EXOC6B: variants seen among roughly 807,000 people sequenced by gnomAD.
EXOC6B encodes the protein SEC15 homolog B.
A neutral mutation model predicts 113.5 loss-of-function variants in EXOC6B; 54 were observed. The observed-to-expected ratio is 0.48, with a 90% CI of 0.38 to 0.60. The LOEUF is 0.60. EXOC6B is among the 20% of genes least tolerant of loss of function. EXOC6B has a pLI of 0.00. For missense variants in EXOC6B, 797 were observed against 977.5 expected (o/e 0.82, Z 2.46); for synonymous variants, 357 against 339.0 (o/e 1.05, Z -0.58).
chr2:72,210,308 T>C (rs950742900), intron 20 of EXOC6B, among the ~76,000 whole-genome samples: 1 of 152,196 alleles, frequency 6.6e-6, no homozygotes, highest in African/African-American at 2.4e-5. Flanking sequence ...ATCCACATAT[T>C]TAAGTCAATC....
chr2:72,371,109 G>A (rs1177595937), intron 19 of EXOC6B, among the ~76,000 whole-genome samples: 1 of 151,274 alleles, frequency 6.6e-6, no homozygotes, highest in Non-Finnish European at 1.5e-5. Flanking sequence ...TACCAGTTCA[G>A]CCACAGTAGG....
intron 6 of EXOC6B, among the ~76,000 whole-genome samples, chr2:72,598,165 A>G (rs1573460842): frequency 6.6e-6 from 1 of 152,094 alleles, no homozygotes; most frequent in East Asian, 1.9e-4. Flanking sequence ...ACCAAGGCAT[A>G]GCACACTGAT....
intron 6 of EXOC6B, among the ~76,000 whole-genome samples, chr2:72,677,047 A>G (rs904043201): frequency 2.0e-5 from 3 of 152,350 alleles, no homozygotes; most frequent in Non-Finnish European, 4.4e-5. Flanking sequence ...AATGACTATC[A>G]TTCTCATCAT....
intron 18 of EXOC6B, among the ~76,000 whole-genome samples, chr2:72,420,670 T>C (rs909288823): frequency 6.6e-6 from 1 of 152,234 alleles, no homozygotes; most frequent in African/African-American, 2.4e-5. Context: ...ATGCCTTTCC[T>C]ATTGTGAACA....
chr2:72,216,187 G>C (rs1307806885), intron 20 of EXOC6B, among the ~76,000 whole-genome samples: 1 of 151,970 alleles, frequency 6.6e-6, no homozygotes, highest in African/African-American at 2.4e-5. Context: ...TAGAGACACT[G>C]TAAGATGAAG....
chr2:72,319,267 G>A (rs1687712259), intron 20 of EXOC6B, among the ~76,000 whole-genome samples: 1 of 151,756 alleles, frequency 6.6e-6, no homozygotes, highest in Middle Eastern at 3.2e-3. Flanking sequence ...CGGACAAAGG[G>A]CATAAAAAAA....
intron 6 of EXOC6B, among the ~76,000 whole-genome samples, chr2:72,688,754 C>T (rs1677272444): frequency 6.6e-6 from 1 of 152,200 alleles, no homozygotes; most frequent in African/African-American, 2.4e-5. Flanking sequence ...GTGTCACTAT[C>T]TTATTCAATG....
chr2:72,360,992 C>G (rs139916359), intron 19 of EXOC6B, among the ~76,000 whole-genome samples: 1 of 151,470 alleles, frequency 6.6e-6, no homozygotes, highest in East Asian at 1.9e-4. Context: ...AAAATACTTT[C>G]CATTGCAACC....
At chr2:72,561,910 A>G (rs1703906716) in intron 7 of EXOC6B, among the ~76,000 whole-genome samples, 1 of 152,134 alleles carries the variant, frequency 6.6e-6, no homozygotes, top group Non-Finnish European at 1.5e-5. Context: ...AAGTCTTCCT[A>G]AGCATAAGAC....
At chr2:72,354,703 A>C (rs1332991967) in intron 19 of EXOC6B, among the ~76,000 whole-genome samples, 1 of 152,218 alleles carries the variant, frequency 6.6e-6, no homozygotes, top group Non-Finnish European at 1.5e-5. Context: ...TATAGGGTCC[A>C]TCATCTGTAG....
At chr2:72,567,283 A>G (rs1232465726) in intron 7 of EXOC6B, among the ~76,000 whole-genome samples, 1 of 152,080 alleles carries the variant, frequency 6.6e-6, no homozygotes, top group Admixed American at 6.5e-5. Context: ...GATACACTGT[A>G]GGATCAAAAG....
In EXOC6B at chr2:72,711,748, C is replaced by T. The variant is rs115181125; in HGVS notation, c.669+6355G>A. Among the ~76,000 whole-genome samples the T allele has an allele frequency of 7.7e-4, 117 of 152,180 alleles. 1 individual carries two copies. In the Middle Eastern group the frequency reaches 0.01, roughly 13 times the overall value. ...TGCTTGAACACAAGCAGTCAATACC[C>T]ACAGTAAATCTGATAACCAAGAGGG... On this transcript the variant is annotated intron_variant, in intron 6 of 21. Transcript: ENST00000272427.
In EXOC6B at chr2:72,651,897, A is replaced by G. The variant is rs189087706; in HGVS notation, c.669+66206T>C. On this transcript the variant is annotated intron_variant, in intron 6 of 21. Transcript: ENST00000272427. Reference sequence around the variant, plus strand: ...ATACCTACGTTTTTTACTGAGCCTAAAAAGATTTAGACATCCATTCGATTG... The same window carrying G: ...ATACCTACGTTTTTTACTGAGCCTAGAAAGATTTAGACATCCATTCGATTG... Among the ~76,000 whole-genome samples, 196 of 152,276 alleles carry G rather than the reference A, an allele frequency of 1.3e-3. 2 individuals are homozygous for G. The highest frequency in any genetic ancestry group is 3.6e-3 in the Admixed American group (55 of 15,292).
rs1480521320 is a variant in EXOC6B, at chr2:72,179,024, C to T, written c.*311G>A. 3.8e-6 allele frequency: 1 copy of T among 261,872 alleles called. No homozygotes were observed. The highest frequency in any genetic ancestry group is 7.2e-6 in the Non-Finnish European group (1 of 139,366). 16.2% of individuals were successfully genotyped at this position (261,872 alleles called of 1,614,324 possible). On this transcript the variant is annotated 3_prime_UTR_variant, in exon 22 of 22. Coordinates refer to ENST00000272427, the MANE Select transcript of EXOC6B (RefSeq NM_015189.3). Reference sequence around the variant, plus strand: ...TTTTTATGGTTCCTAAGCCCCAGACCTAAGCTTTAGAGCCATGGATGAAAG... The same window carrying T: ...TTTTTATGGTTCCTAAGCCCCAGACTTAAGCTTTAGAGCCATGGATGAAAG...
chr2:72,334,917 A>G, intron 20 of EXOC6B, 30 bp downstream of exon 20: 1 of 1,609,432 alleles, frequency 6.2e-7, no homozygotes, highest in East Asian at 2.2e-5. Context: ...TCTTAAAAGA[A>G]AAACAAAAAA....
intron 6 of EXOC6B, among the ~76,000 whole-genome samples, chr2:72,677,262 T>C (rs945434941): frequency 1.3e-5 from 2 of 151,952 alleles, no homozygotes; most frequent in Admixed American, 6.6e-5. Flanking sequence ...CAGTGTGCAA[T>C]GGCTCGCATC....
At chr2:72,683,754 T>C (rs528128411) in intron 6 of EXOC6B, among the ~76,000 whole-genome samples, 12 of 152,332 alleles carry the variant, frequency 7.9e-5, no homozygotes, top group African/African-American at 2.9e-4. Flanking sequence ...AGCCAATTAC[T>C]ATTCTTCTTT....
chr2:72,746,304 G>C (rs1479173916), intron 1 of EXOC6B, among the ~76,000 whole-genome samples: 3 of 151,850 alleles, frequency 2.0e-5, no homozygotes, highest in Admixed American at 6.6e-5. Flanking sequence ...CTTAGTAAAA[G>C]GCAAACAAGA....
At chr2:72,358,754 A>G (rs1690119577) in intron 19 of EXOC6B, among the ~76,000 whole-genome samples, 1 of 152,124 alleles carries the variant, frequency 6.6e-6, no homozygotes, top group Non-Finnish European at 1.5e-5. Context: ...TTGTGGTAGG[A>G]TGTATGCACT....
Sources: allele counts gnomAD v4.1 joint callset (sites outside exome capture counted in the v4.1 genomes callset), GRCh38; gene constraint gnomAD v4.1.1; transcripts MANE v1.5; gene names NCBI Gene and HGNC (gene_info 2026-07-23, HGNC 2026-07-21).